Variants in EPHB2 observed in about 807,000 individuals in gnomAD.
EPHB2 encodes the protein EPH receptor B2.
A neutral mutation model predicts 96.4 loss-of-function variants in EPHB2; 18 were observed. The observed-to-expected ratio is 0.19, with a 90% CI of 0.13 to 0.28. The LOEUF is 0.28. EPHB2 is among the 10% of genes least tolerant of loss of function. The probability of loss-of-function intolerance (pLI) is 1.00; values close to 1 mark genes in which losing one functional copy is unlikely to be tolerated. For missense variants in EPHB2, 989 were observed against 1,355.4 expected (o/e 0.73, Z 4.25); for synonymous variants, 506 against 534.1 (o/e 0.95, Z 0.72).
At chr1:22,822,642 G>T (rs1347265443) in intron 3 of EPHB2, among the ~76,000 whole-genome samples, 1 of 152,270 alleles carries the variant, frequency 6.6e-6, no homozygotes, top group Non-Finnish European at 1.5e-5. Context: ...CACAGAGCAG[G>T]CTGGAGCAGG....
At chr1:22,794,724 G>A (rs1025902981) in intron 3 of EPHB2, among the ~76,000 whole-genome samples, 1 of 152,150 alleles carries the variant, frequency 6.6e-6, no homozygotes, top group Admixed American at 6.5e-5. Context: ...AAGAAGTAGG[G>A]TTAGAACCCA....
rs1189780962 is a variant in EPHB2 at position 22,875,016 on chromosome 1, G to A, written c.1304-7343G>A. On this transcript the variant is annotated intron_variant, in intron 5 of 15. Coordinates refer to ENST00000374630, the MANE Select transcript of EPHB2 (RefSeq NM_017449.5). This position sits in a 1 kb window ranked among gnomAD's most constrained non-coding sequence, Gnocchi z 4.2. ...GCAGTGTGAGTCTCCACAAGCAGAC[G>A]GGCTACAACTCTGCGTTCCTCAAAC... Among the ~76,000 whole-genome samples the A allele has an allele frequency of 2.6e-5, 4 of 152,030 alleles. No homozygotes were observed. The highest frequency in any genetic ancestry group is 6.6e-5 in the Admixed American group (1 of 15,256).
chr1:22,757,778 G>A (rs536831055), intron 1 of EPHB2, among the ~76,000 whole-genome samples: 1 of 152,126 alleles, frequency 6.6e-6, no homozygotes, highest in South Asian at 2.1e-4. Flanking sequence ...TGGGAGAATC[G>A]CTTATGCCTG....
At chr1:22,722,820 A>C (rs780668196) in intron 1 of EPHB2, among the ~76,000 whole-genome samples, 1 of 152,188 alleles carries the variant, frequency 6.6e-6, no homozygotes, top group African/African-American at 2.4e-5. Flanking sequence ...CAGCTTCTTG[A>C]ACTATACAAT....
At chr1:22,894,808 C>T (rs1038003796) in intron 7 of EPHB2, among the ~76,000 whole-genome samples, 1 of 152,082 alleles carries the variant, frequency 6.6e-6, no homozygotes, top group Non-Finnish European at 1.5e-5. Context: ...CATGACCTCA[C>T]TAAGCCCAGT....
At chr1:22,908,581 C>A (rs1478471763) in intron 12 of EPHB2, among the ~76,000 whole-genome samples, 3 of 152,208 alleles carry the variant, frequency 2.0e-5, no homozygotes, top group South Asian at 2.1e-4. Flanking sequence ...GACCTTGGAG[C>A]TCCTGGAATG....
chr1:22,865,512 T>A (rs1292109404), intron 5 of EPHB2, among the ~76,000 whole-genome samples: 2 of 152,196 alleles, frequency 1.3e-5, no homozygotes, highest in African/African-American at 4.8e-5. Flanking sequence ...CATGGGAGAA[T>A]CCAGAGGTGA....
In EPHB2 at chr1:22,906,369, G is replaced by C. The variant is rs547493397; in HGVS notation, c.1888+260G>C. Among the ~76,000 whole-genome samples, 8 of 152,134 alleles carry C rather than the reference G, an allele frequency of 5.3e-5. No homozygotes were observed. Among genetic ancestry groups the C allele is most frequent in the Middle Eastern group, 3.2e-3 (1 of 316 alleles). ...TGAGTCAGAGATTGAGCTGGGTCTG[G>C]AGCCCAGTTCTCTGGACTCTTGGTC... On this transcript the variant is annotated intron_variant, in intron 10 of 15. Coordinates refer to ENST00000374630, the MANE Select transcript of EPHB2 (RefSeq NM_017449.5). This position sits in a 1 kb window ranked among gnomAD's most constrained non-coding sequence, Gnocchi z 4.8.
intron 3 of EPHB2, among the ~76,000 whole-genome samples, chr1:22,809,859 C>CT (rs2148459818): frequency 6.6e-6 from 1 of 152,352 alleles, no homozygotes; most frequent in Non-Finnish European, 1.5e-5. Flanking sequence ...CATGAGACCC[C>CT]TTCCCTGCTC....
At chr1:22,745,355 AC>A (rs1233247112) in intron 1 of EPHB2, among the ~76,000 whole-genome samples, 1 of 152,184 alleles carries the variant, frequency 6.6e-6, no homozygotes, top group African/African-American at 2.4e-5. Flanking sequence ...AACAATACAT[AC>A]CCGACTGGTT....
At chr1:22,743,561 C>T (rs1324831839) in intron 1 of EPHB2, among the ~76,000 whole-genome samples, 1 of 152,314 alleles carries the variant, frequency 6.6e-6, no homozygotes, top group South Asian at 2.1e-4. Flanking sequence ...ACCTCCACCT[C>T]CCAAGTTCAA....
chr1:22,791,431 T>A (rs1421191961), intron 3 of EPHB2, among the ~76,000 whole-genome samples: 1 of 151,566 alleles, frequency 6.6e-6, no homozygotes, highest in Non-Finnish European at 1.5e-5. Context: ...GACTTCTGCT[T>A]AAATTACATG....
chr1:22,859,294 TGGTG>T (rs1289888134), intron 3 of EPHB2, among the ~76,000 whole-genome samples: 9 of 11,164 alleles, frequency 8.1e-4, no homozygotes, highest in African/African-American at 3.1e-3. Flanking sequence ...GGGGTGGGCC[TGGTG>T]GGGGGGGGGG....
chr1:22,767,198 A>G (rs1644318587), intron 1 of EPHB2, among the ~76,000 whole-genome samples: 1 of 152,210 alleles, frequency 6.6e-6, no homozygotes, highest in Non-Finnish European at 1.5e-5. Context: ...AGGAAAGGGC[A>G]TCAGACACAC....
At chr1:22,717,309 C>T (rs138321099) in intron 1 of EPHB2, among the ~76,000 whole-genome samples, 41 of 152,222 alleles carry the variant, frequency 2.7e-4, no homozygotes, top group African/African-American at 9.4e-4. Flanking sequence ...CAGCTCAGGC[C>T]TTCTGATAAG....
chr1:22,831,668 G>A (rs557033514), intron 3 of EPHB2, among the ~76,000 whole-genome samples: 1 of 152,236 alleles, frequency 6.6e-6, no homozygotes, highest in South Asian at 2.1e-4. Context: ...GGCAGAGATA[G>A]CAAGAGTTGT....
At chr1:22,802,651 C>A (rs981319927) in intron 3 of EPHB2, among the ~76,000 whole-genome samples, 1 of 152,114 alleles carries the variant, frequency 6.6e-6, no homozygotes, top group Non-Finnish European at 1.5e-5. Flanking sequence ...TGTCCACCCG[C>A]ACCACCCAGC....
chr1:22,887,826 G>A (rs1557736762), intron 6 of EPHB2, among the ~76,000 whole-genome samples: 1 of 152,324 alleles, frequency 6.6e-6, no homozygotes, highest in East Asian at 1.9e-4. Flanking sequence ...AGAAAATGAA[G>A]AGGAAGGACA....
intron 1 of EPHB2, among the ~76,000 whole-genome samples, chr1:22,758,723 G>A (rs1021818006): frequency 2.0e-5 from 3 of 151,866 alleles, no homozygotes; most frequent in South Asian, 2.1e-4. Context: ...AGTGGTATGA[G>A]GGGCAAGCTG....
Sources: allele counts gnomAD v4.1 joint callset (sites outside exome capture counted in the v4.1 genomes callset), GRCh38; gene constraint gnomAD v4.1.1; non-coding constraint Gnocchi (gnomAD v3.1); transcripts MANE v1.5; gene names NCBI Gene and HGNC (gene_info 2026-07-23, HGNC 2026-07-21).